The following MCPH1 variants were observed in gnomAD, a reference collection of about 807,000 sequenced individuals.
MCPH1 encodes the protein microcephalin.
A neutral mutation model predicts 84.5 loss-of-function variants in MCPH1; 104 were observed. The ratio of observed to expected loss-of-function variants is 1.23; its 90% CI spans 1.05 to 1.45. The LOEUF (loss-of-function observed/expected upper bound fraction) is 1.45, where lower values mean the gene tolerates loss of function less well. MCPH1 is among the 40% of genes most tolerant of loss of function. The pLI, the probability that MCPH1 is intolerant of heterozygous loss-of-function variation, is 0.00. For synonymous variants in MCPH1, 514 were observed against 366.8 expected, an observed-to-expected ratio of 1.40 and a Z score of -4.58; for missense variants, 1,498 against 1,005.7, an observed-to-expected ratio of 1.49 and a Z score of -6.62.
chr8:6,532,524 A>G (rs970137410), intron 12 of MCPH1: 10 of 1,508,174 alleles, frequency 6.6e-6, no homozygotes, highest in Non-Finnish European at 4.5e-6. Context: ...GTCATTAGTC[A>G]AATGACCGGA....
chr8:6,527,748 A>G (rs947698583), intron 12 of MCPH1: 5 of 1,348,982 alleles, frequency 3.7e-6, no homozygotes, highest in Non-Finnish European at 5.1e-6. Flanking sequence ...CCTTTTCATT[A>G]AAGTACCCAA....
At chr8:6,556,980 C>A (rs1327385130) in intron 12 of MCPH1, among the ~76,000 whole-genome samples, 1 of 152,158 alleles carries the variant, frequency 6.6e-6, no homozygotes, top group Non-Finnish European at 1.5e-5. Flanking sequence ...ATTTTTTGAA[C>A]AAATAAATCA....
intron 12 of MCPH1, among the ~76,000 whole-genome samples, chr8:6,589,123 C>T (rs1297864755): frequency 1.3e-5 from 2 of 152,208 alleles, no homozygotes; most frequent in African/African-American, 4.8e-5. Flanking sequence ...GGAACATCCT[C>T]CTGTGGGCTC....
intron 12 of MCPH1, among the ~76,000 whole-genome samples, chr8:6,552,105 A>C (rs1263916512): frequency 1.3e-5 from 2 of 152,200 alleles, no homozygotes; most frequent in African/African-American, 4.8e-5. Context: ...CCTCTAAGAA[A>C]TTCTGAATCT....
At chr8:6,502,280 G>C (rs1269693757) in intron 12 of MCPH1, 1 of 152,056 alleles carries the variant, frequency 6.6e-6, no homozygotes, top group Non-Finnish European at 1.5e-5. Context: ...TATCATAAAA[G>C]TTAAACATAG....
chr8:6,477,136 GGGGGATT>G (rs1270006904), intron 9 of MCPH1: 1 of 156,826 alleles, frequency 6.4e-6, no homozygotes, highest in Non-Finnish European at 1.4e-5. Flanking sequence ...TTCTGTATGT[GGGGGATT>G]CACTTGACAG....
At chr8:6,557,328 C>T (rs1195623249) in intron 12 of MCPH1, among the ~76,000 whole-genome samples, 2 of 152,036 alleles carry the variant, frequency 1.3e-5, no homozygotes, top group East Asian at 3.9e-4. Context: ...CCATACCTAC[C>T]ATACTTGTGT....
At chr8:6,561,991 G>T (rs559889947) in intron 12 of MCPH1, among the ~76,000 whole-genome samples, 4 of 152,254 alleles carry the variant, frequency 2.6e-5, no homozygotes, top group East Asian at 1.9e-4. Flanking sequence ...TGGAACTGAC[G>T]GGGGCTGCAG....
At position 6,645,694 on chromosome 8, in the gene MCPH1, T is replaced by A. The variant is rs1226310383; in HGVS notation, c.*2645T>A. On this transcript the variant is annotated 3_prime_UTR_variant, in exon 14 of 14. Coordinates refer to ENST00000344683, the MANE Select transcript of MCPH1 (RefSeq NM_024596.5). ...ACAATCTTGCAATCTTCCTAAAGAT[T>A]ATATACAAACCTAACAGAATTGTAT... The A allele has an allele frequency of 6.0e-5, 9 of 150,642 alleles. No individual in the cohort carries two copies. The East Asian group carries it at 1.6e-3, about 26-fold the overall frequency. 9.3% of individuals were successfully genotyped at this position (150,642 alleles called of 1,614,324 possible). A position where few individuals can be genotyped will look rare whatever the true frequency, so the allele number is the denominator to read the frequency against.
At position 6,531,006 on chromosome 8, in the gene MCPH1, T is replaced by TA. The variant is rs11385954; in HGVS notation, c.2214+31081dup. ...GTTTCACTTAAATCTGCTCTTTTTT[T>TA]AAAAGTATTCCTTATAGCCCAGAGT... On this transcript the variant is annotated intron_variant, in intron 12 of 13. Coordinates refer to ENST00000344683, the MANE Select transcript of MCPH1 (RefSeq NM_024596.5). Among the ~76,000 whole-genome samples, 1,260 of 152,204 alleles carry TA rather than the reference T, an allele frequency of 8.3e-3. 20 individuals are homozygous for TA. The highest frequency in any genetic ancestry group is 0.029 in the African/African-American group (1,217 of 41,490).
intron 4 of MCPH1, among the ~76,000 whole-genome samples, chr8:6,431,883 G>A (rs976292892): frequency 6.6e-6 from 1 of 152,204 alleles, no homozygotes; most frequent in Non-Finnish European, 1.5e-5. Flanking sequence ...TCAGAATGAA[G>A]TTTGTTATAT....
At position 6,445,121 on chromosome 8, in the gene MCPH1, A is replaced by G. The variant is rs1245912272; in HGVS notation, c.1399A>G (p.Lys467Glu). 5 of 1,614,260 alleles carry G rather than the reference A, an allele frequency of 3.1e-6. No homozygotes were observed. Among genetic ancestry groups the G allele is most frequent in the Non-Finnish European group, 4.2e-6 (5 of 1,180,038 alleles). ...GTCTGATTTTTCCTGCGTTGGCAAA[A>G]AAACCAGAACAGTTGACATTACCAA... is the stretch of plus-strand genomic sequence containing the variant. ...EMSDFSCVGKKTRTVDITNFT... is the reference protein window; with the variant it reads ...EMSDFSCVGKETRTVDITNFT... Residue 467 changes from lysine to glutamate, a missense_variant, in exon 8 of 14, where the codon AAA becomes GAA. Physicochemically the swap from Lys to Glu is moderately conservative, Grantham distance 56 (BLOSUM62 1). Transcript: ENST00000344683.
At chr8:6,555,950 C>T (rs114403451) in intron 12 of MCPH1, among the ~76,000 whole-genome samples, 1,873 of 152,214 alleles carry the variant, frequency 0.012, 34 homozygotes, top group African/African-American at 0.043. Context: ...GGCATCTCAC[C>T]TATCTAGAGG....
intron 12 of MCPH1, chr8:6,508,313 C>G (rs2442466): frequency 0.53 from 80,221 of 152,160 alleles, 21,904 homozygotes; most frequent in African/African-American, 0.65. Context: ...GCCGGGTGCA[C>G]TGGTGGGCGC....
intron 12 of MCPH1, among the ~76,000 whole-genome samples, chr8:6,607,051 C>G (rs753065138): frequency 6.6e-6 from 1 of 152,216 alleles, no homozygotes; most frequent in Admixed American, 6.5e-5. Context: ...AACCAAGAGG[C>G]TGATGGTGTT....
chr8:6,482,581 C>G (rs1459568893), intron 11 of MCPH1, among the ~76,000 whole-genome samples: 2 of 152,220 alleles, frequency 1.3e-5, no homozygotes, highest in Non-Finnish European at 2.9e-5. Flanking sequence ...TGCATCTGTA[C>G]AGGATTCCTT....
At chr8:6,408,807 A>T (rs1359820026) in intron 1 of MCPH1, among the ~76,000 whole-genome samples, 2 of 151,978 alleles carry the variant, frequency 1.3e-5, no homozygotes, top group Non-Finnish European at 1.5e-5. Flanking sequence ...AAGTGATCCC[A>T]CTGCCTTGGC....
intron 11 of MCPH1, among the ~76,000 whole-genome samples, chr8:6,498,841 A>G (rs1176008267): frequency 1.3e-5 from 2 of 152,038 alleles, no homozygotes; most frequent in Non-Finnish European, 2.9e-5. Flanking sequence ...TTCAGGCCAG[A>G]AGTTCGAGAC....
intron 11 of MCPH1, among the ~76,000 whole-genome samples, chr8:6,482,403 G>A (rs1387309099): frequency 6.6e-6 from 1 of 152,220 alleles, no homozygotes; most frequent in Non-Finnish European, 1.5e-5. Flanking sequence ...GGGGGCCACG[G>A]ACTGTGCCCC....
Sources: gnomAD v4.1 joint callset for allele counts (sites outside exome capture counted in the v4.1 genomes callset) on GRCh38, gnomAD v4.1.1 for gene constraint, MANE v1.5 for transcripts, NCBI Gene and HGNC (gene_info 2026-07-23, HGNC 2026-07-21) for gene names.